Variants in DSG2 observed in about 807,000 individuals in gnomAD.
DSG2 encodes desmoglein 2.
A neutral mutation model predicts 75.6 loss-of-function variants in DSG2; 45 were observed. The observed-to-expected ratio is 0.60, with a 90% CI of 0.47 to 0.76. The LOEUF is 0.76. DSG2 is among the 30% of genes least tolerant of loss of function. DSG2 has a pLI of 0.00. For synonymous variants in DSG2, 429 were observed against 483.9 expected (o/e 0.89, Z 1.49); for missense variants, 1,267 against 1,357.4 (o/e 0.93, Z 1.05).
In DSG2 at chr18:31,545,974, T is replaced by A; in HGVS notation, c.2588T>A (p.Met863Lys). 6.2e-7 allele frequency: 1 copy of A among 1,614,166 alleles called. No homozygotes were observed. The highest frequency in any genetic ancestry group is 8.5e-7 in the Non-Finnish European group (1 of 1,180,030). The change falls in exon 15 of 15, where the codon ATG becomes AAG. Residue 863 changes from methionine (M) to lysine (K), a missense_variant. Coordinates refer to ENST00000261590, the MANE Select transcript of DSG2 (RefSeq NM_001943.5). ...CAAAAACCTGCCACAGAAACAAGTA[T>A]GAACACAGCTTCACATTCACTCTGT... ...QRQKPATETSMNTASHSLCEQ... is the reference protein window; with the variant it reads ...QRQKPATETSKNTASHSLCEQ...
chr18:31,522,778 A>T (rs566014528), intron 6 of DSG2, among the ~76,000 whole-genome samples: 29 of 152,256 alleles, frequency 1.9e-4, no homozygotes, highest in Non-Finnish European at 3.4e-4. Flanking sequence ...CTCCACGGCT[A>T]GTACGTAGGA....
At chr18:31,522,806 T>C (rs1332376855) in intron 6 of DSG2, among the ~76,000 whole-genome samples, 1 of 152,106 alleles carries the variant, frequency 6.6e-6, no homozygotes, top group East Asian at 1.9e-4. Flanking sequence ...AGGAAAGGGA[T>C]GAAAATAGGA....
intron 1 of DSG2, among the ~76,000 whole-genome samples, chr18:31,505,454 A>G (rs1266496710): frequency 6.6e-6 from 1 of 152,174 alleles, no homozygotes. Context: ...TGATCCTCCT[A>G]TTAAACTGTA....
chr18:31,543,120 C>T lies in DSG2; in HGVS notation c.2334+268C>T, dbSNP rs2073281300. 1.2e-5 allele frequency: 4 copies of T among 344,602 alleles called. No individual in the cohort carries two copies. In the South Asian group the frequency reaches 2.9e-4, roughly 25 times the overall value. 21.3% of individuals were successfully genotyped at this position (344,602 alleles called of 1,614,324 possible). ...CACTTACAGTTATGTTTTTGCCAGT[C>T]AGTCAGCTCTGCTTTCCTTCATGAT... On this transcript the variant is annotated intron_variant, in intron 14 of 14. Transcript: ENST00000261590.
In DSG2 at chr18:31,540,576, G is replaced by A. The variant is rs150596104; in HGVS notation, c.1880-617G>A. 2.7e-3 allele frequency among the ~76,000 whole-genome samples: 408 copies of A among 152,302 alleles called. 3 individuals carry two copies. The highest frequency in any genetic ancestry group is 8.9e-3 in the African/African-American group (371 of 41,564). Reference sequence around the variant, plus strand: ...AGTCTTCTTATTAATCGTAGTAGCTGTAGTTAATGTGCTGTTGACTGTTTG... The same window carrying A: ...AGTCTTCTTATTAATCGTAGTAGCTATAGTTAATGTGCTGTTGACTGTTTG... On this transcript the variant is annotated intron_variant, in intron 12 of 14. Coordinates refer to ENST00000261590, the MANE Select transcript of DSG2 (RefSeq NM_001943.5).
At chr18:31,501,129 G>A (rs2073011459) in intron 1 of DSG2, among the ~76,000 whole-genome samples, 1 of 151,998 alleles carries the variant, frequency 6.6e-6, no homozygotes. Flanking sequence ...ATCACAAATT[G>A]GTATTTTAAA....
At chr18:31,521,026 G>T in intron 4 of DSG2, 62 bp downstream of exon 4, 2 of 1,608,402 alleles carry the variant, frequency 1.2e-6, no homozygotes, top group East Asian at 4.5e-5. Flanking sequence ...AGTGTCATTT[G>T]TTTTATTTTT....
At chr18:31,512,098 T>C (rs561557621) in intron 1 of DSG2, among the ~76,000 whole-genome samples, 58 of 152,330 alleles carry the variant, frequency 3.8e-4, no homozygotes, top group African/African-American at 1.3e-3. Context: ...ACTTCTTTTC[T>C]GAGCTACTAA....
In DSG2 at chr18:31,541,083, TAAGTGAAGAC is replaced by T. The variant is rs2073263730; in HGVS notation, c.1880-105_1880-96del. ...AAGAAAAGAAAAATAGAGCTGTAAATAAGTGAAGACAAGTCCAGGAAGGGACATGCAAATT... is the reference window on the plus strand; with the variant it reads ...AAGAAAAGAAAAATAGAGCTGTAAATAAGTCCAGGAAGGGACATGCAAATT... On this transcript the variant is annotated intron_variant, in intron 12 of 14. Transcript: ENST00000261590. The T allele has an allele frequency of 1.0e-5, 14 of 1,390,286 alleles. No homozygotes were observed. In the South Asian group the frequency reaches 1.5e-4, roughly 15 times the overall value. The allele number at this position is 1,390,286 out of a possible 1,614,324, so 86.1% of individuals were successfully genotyped here.
intron 1 of DSG2, among the ~76,000 whole-genome samples, chr18:31,504,350 A>G (rs1288179694): frequency 2.0e-5 from 3 of 152,204 alleles, no homozygotes; most frequent in African/African-American, 7.2e-5. Context: ...CAATTTAATG[A>G]TCCAGTCTCC....
At chr18:31,505,656 C>CTTTTTT (rs558578470) in intron 1 of DSG2, among the ~76,000 whole-genome samples, 25 of 136,084 alleles carry the variant, frequency 1.8e-4, no homozygotes, top group Non-Finnish European at 2.1e-4. Flanking sequence ...ATTTTTTTTT[C>CTTTTTT]TTTTTTTTTT....
chr18:31,505,787 G>A (rs764540164), intron 1 of DSG2, among the ~76,000 whole-genome samples: 3 of 150,814 alleles, frequency 2.0e-5, no homozygotes, highest in Admixed American at 6.6e-5. Context: ...TCAACCTCCC[G>A]AGTAGCTGGG....
At chr18:31,521,649 T>G (rs2704038) in intron 5 of DSG2, among the ~76,000 whole-genome samples, 68,645 of 152,006 alleles carry the variant, frequency 0.45, 16,440 homozygotes, top group African/African-American at 0.63. Flanking sequence ...TTTACTGTAA[T>G]ATTTATTCAC....
Position 31,538,950 on chromosome 18 carries a change from C to T in DSG2, c.1851C>T (p.Leu617=), listed in dbSNP as rs202057770. ...GCCTGGGACCCGCAGCAATTGCGCT[C>T]ATGATTTTGGCCTTTCTGCTCCTGC... ...YVGLGPAAIA[L]MILAFLLLLL... is the part of the protein sequence containing the mutation. Residue 617 remains leucine (L), a synonymous_variant, in exon 12 of 15, where the codon CTC becomes CTT. Coordinates refer to ENST00000261590, the MANE Select transcript of DSG2 (RefSeq NM_001943.5). The T allele has an allele frequency of 1.2e-4, 193 of 1,613,992 alleles. No individual in the cohort carries two copies. The highest frequency in any genetic ancestry group is 3.3e-4 in the Middle Eastern group (2 of 6,062).
At chr18:31,525,449 G>A (rs2073157661) in intron 8 of DSG2, among the ~76,000 whole-genome samples, 1 of 152,038 alleles carries the variant, frequency 6.6e-6, no homozygotes, top group Admixed American at 6.5e-5. Context: ...AACCCAAGAG[G>A]CGGAGGCTGC....
intron 1 of DSG2, among the ~76,000 whole-genome samples, chr18:31,500,934 A>G (rs898469482): frequency 6.6e-6 from 1 of 152,192 alleles, no homozygotes; most frequent in African/African-American, 2.4e-5. Context: ...GTATTTCTTT[A>G]AATTATGAGT....
chr18:31,510,353 TC>T (rs2073059993), intron 1 of DSG2, among the ~76,000 whole-genome samples: 1 of 152,198 alleles, frequency 6.6e-6, no homozygotes, highest in African/African-American at 2.4e-5. Flanking sequence ...GTTTAAGGGA[TC>T]ACCTCACCAT....
chr18:31,512,741 G>T (rs752778716), intron 1 of DSG2, among the ~76,000 whole-genome samples: 4 of 152,158 alleles, frequency 2.6e-5, no homozygotes, highest in Non-Finnish European at 5.9e-5. Flanking sequence ...ACGTCTCTGT[G>T]CAGATGCAGC....
At position 31,535,398 on chromosome 18, in the gene DSG2, T is replaced by C; in HGVS notation, c.1409T>C (p.Val470Ala). ...VQNGTYTVKI[V>A]AISEDYPRKT... is the part of the protein sequence containing the mutation. Reference sequence around the variant, plus strand: ...AATGGCACATACACTGTAAAGATTGTGGCCATATCAGAAGGTAAGTTATTA... The same window carrying C: ...AATGGCACATACACTGTAAAGATTGCGGCCATATCAGAAGGTAAGTTATTA... The change falls in exon 10 of 15, where the codon GTG becomes GCG. Residue 470 changes from valine to alanine, a missense_variant. Physicochemically the swap from Val to Ala is moderately conservative, Grantham distance 64. Coordinates refer to ENST00000261590, the MANE Select transcript of DSG2 (RefSeq NM_001943.5). 6.2e-7 allele frequency: 1 copy of C among 1,611,238 alleles called. No homozygotes were observed. The highest frequency in any genetic ancestry group is 8.5e-7 in the Non-Finnish European group (1 of 1,177,936).
Sources: allele counts gnomAD v4.1 joint callset (sites outside exome capture counted in the v4.1 genomes callset), GRCh38; gene constraint gnomAD v4.1.1; transcripts MANE v1.5; gene names NCBI Gene and HGNC (gene_info 2026-07-23, HGNC 2026-07-21).